The following WWOX variants were observed in gnomAD, a reference collection of about 807,000 sequenced individuals.
The protein encoded by WWOX is WW domain-containing oxidoreductase.
WWOX carries 69 observed loss-of-function variants against 46.2 expected under a neutral mutation model. That is an observed-to-expected ratio of 1.49 (90% CI 1.23 to 1.82). The LOEUF (loss-of-function observed/expected upper bound fraction) is 1.82. WWOX is among the 40% of genes most tolerant of loss of function. The probability of loss-of-function intolerance (pLI) is 0.00; values close to 1 mark genes in which losing one functional copy is unlikely to be tolerated. For synonymous variants in WWOX, 359 were observed against 202.6 expected, an observed-to-expected ratio of 1.77 and a Z score of -6.56; for missense variants, 919 against 542.6, an observed-to-expected ratio of 1.69 and a Z score of -6.89.
chr16:78,391,013 A>C (rs776583747), intron 6 of WWOX, among the ~76,000 whole-genome samples: 6 of 152,154 alleles, frequency 3.9e-5, no homozygotes, highest in Non-Finnish European at 7.4e-5. Context: ...GTGTTTCTCC[A>C]CACTGGGATA....
chr16:79,198,692 G>C (rs756863030), intron 8 of WWOX, among the ~76,000 whole-genome samples: 8 of 152,230 alleles, frequency 5.3e-5, no homozygotes, highest in Admixed American at 3.9e-4. Context: ...CGTAGTAGCT[G>C]TGTGACCTGG....
chr16:78,722,332 G>A (rs1389301947), intron 8 of WWOX, among the ~76,000 whole-genome samples: 1 of 152,172 alleles, frequency 6.6e-6, no homozygotes, highest in African/African-American at 2.4e-5. Flanking sequence ...CTTGGTCTCA[G>A]TTTTCTCATC....
intron 8 of WWOX, among the ~76,000 whole-genome samples, chr16:79,014,991 G>T (rs1304224134): frequency 6.6e-6 from 1 of 152,160 alleles, no homozygotes; most frequent in African/African-American, 2.4e-5. Context: ...GTACCTGCGA[G>T]GGATCAAAGA....
At chr16:78,966,007 G>C (rs1313175691) in intron 8 of WWOX, among the ~76,000 whole-genome samples, 1 of 152,286 alleles carries the variant, frequency 6.6e-6, no homozygotes, top group South Asian at 2.1e-4. Context: ...AACAAGAATG[G>C]AAAAAGTTAT....
chr16:78,218,844 G>A (rs986122936), intron 5 of WWOX, among the ~76,000 whole-genome samples: 1 of 152,224 alleles, frequency 6.6e-6, no homozygotes, highest in Non-Finnish European at 1.5e-5. Context: ...TAGAGTTTTT[G>A]AGTCTAATTG....
chr16:78,376,397 G>T (rs1048687949), intron 5 of WWOX, among the ~76,000 whole-genome samples: 1 of 152,190 alleles, frequency 6.6e-6, no homozygotes, highest in Non-Finnish European at 1.5e-5. Flanking sequence ...ACTCTGGAAG[G>T]ATTTGAACCA....
chr16:78,190,938 G>A (rs935614404), intron 5 of WWOX, among the ~76,000 whole-genome samples: 2 of 152,118 alleles, frequency 1.3e-5, no homozygotes, highest in East Asian at 1.9e-4. Flanking sequence ...TCAGTCATCT[G>A]ATCATTGTGT....
chr16:78,934,278 C>T (rs553034161), intron 8 of WWOX, among the ~76,000 whole-genome samples: 1 of 148,122 alleles, frequency 6.8e-6, no homozygotes. Context: ...GCGGATCTTG[C>T]AGTGAGCCGA....
intron 8 of WWOX, among the ~76,000 whole-genome samples, chr16:78,557,220 T>G (rs1457816715): frequency 1.4e-5 from 2 of 147,734 alleles, no homozygotes; most frequent in Non-Finnish European, 3.0e-5. Context: ...AAAGACCAAT[T>G]ATCATGATTA....
chr16:78,985,104 T>A (rs377482310), intron 8 of WWOX, among the ~76,000 whole-genome samples: 2 of 152,206 alleles, frequency 1.3e-5, no homozygotes, highest in South Asian at 2.1e-4. Context: ...TGTAACTGTT[T>A]CCGAACGGAT....
rs537865623 is a variant in WWOX at position 78,432,401 on chromosome 16, C to G, written c.792-87C>G. ...GATTACAGATGTGAGCCACTGCACCCAGCATTCCTTAGATTTCCAATAAAA... is the reference window on the plus strand; with the variant it reads ...GATTACAGATGTGAGCCACTGCACCGAGCATTCCTTAGATTTCCAATAAAA... On this transcript the variant is annotated intron_variant, in intron 7 of 8. Transcript: ENST00000566780. 4 of 1,559,080 alleles carry G rather than the reference C, an allele frequency of 2.6e-6. No homozygotes were observed. In the East Asian group the frequency reaches 9.0e-5, roughly 35 times the overall value.
intron 6 of WWOX, among the ~76,000 whole-genome samples, chr16:78,420,651 A>ATGGTTTTTTTT (rs75985674): frequency 7.2e-6 from 1 of 139,144 alleles, no homozygotes; most frequent in Admixed American, 7.0e-5. Context: ...GTGATTGCTA[A>ATGGTTTTTTTT]TTTTTTTTTT....
chr16:78,322,450 G>T (rs1322246926), intron 5 of WWOX, among the ~76,000 whole-genome samples: 1 of 152,146 alleles, frequency 6.6e-6, no homozygotes, highest in Non-Finnish European at 1.5e-5. Context: ...AGGTTTTCAC[G>T]CTTGTGCCTT....
chr16:79,105,768 T>A (rs1404117768), intron 8 of WWOX, among the ~76,000 whole-genome samples: 1 of 151,516 alleles, frequency 6.6e-6, no homozygotes, highest in Non-Finnish European at 1.5e-5. Context: ...ATGCCAGCAA[T>A]CCTCCCACCT....
rs530275364 is a variant in WWOX, at chr16:78,403,193, C to T, written c.605+16245C>T. On this transcript the variant is annotated intron_variant, in intron 6 of 8. Transcript: ENST00000566780. ...TGACCACGTGCTTAAGCACATTCCC[C>T]AAACAATTTTTTTCTTATTGTTTGT... Among the ~76,000 whole-genome samples, 6 of 152,280 alleles carry T rather than the reference C, an allele frequency of 3.9e-5. No homozygotes were observed. The East Asian group carries it at 1.2e-3, about 29-fold the overall frequency.
At position 78,585,710 on chromosome 16, in the gene WWOX, T is replaced by C. The variant is rs185165732; in HGVS notation, c.1056+152958T>C. Reference sequence around the variant, plus strand: ...TTGTTTTTTTTTGTTTTTTTTGTTTTTTTGCCTAATTTGTGCTTGGCTTCT... The same window carrying C: ...TTGTTTTTTTTTGTTTTTTTTGTTTCTTTGCCTAATTTGTGCTTGGCTTCT... On this transcript the variant is annotated intron_variant, in intron 8 of 8. Transcript: ENST00000566780. Among the ~76,000 whole-genome samples the C allele has an allele frequency of 3.4e-3, 518 of 151,796 alleles. 2 individuals carry two copies. Among genetic ancestry groups the C allele is most frequent in the African/African-American group, 0.012 (498 of 41,388 alleles).
chr16:78,644,766 C>A (rs974862498), intron 8 of WWOX, among the ~76,000 whole-genome samples: 4 of 152,156 alleles, frequency 2.6e-5, no homozygotes, highest in Non-Finnish European at 5.9e-5. Context: ...CCCAGCCAAA[C>A]CTCGGCACTT....
intron 8 of WWOX, among the ~76,000 whole-genome samples, chr16:78,656,244 C>T (rs947282050): frequency 6.6e-5 from 10 of 152,214 alleles, no homozygotes; most frequent in African/African-American, 1.9e-4. Context: ...CATCATCCTT[C>T]GGTGGTAGAT....
chr16:79,021,411 G>A (rs906198429), intron 8 of WWOX, among the ~76,000 whole-genome samples: 1 of 151,994 alleles, frequency 6.6e-6, no homozygotes, highest in South Asian at 2.1e-4. Flanking sequence ...GCAGAATAAT[G>A]GTTTTGAATA....
Sources: gnomAD v4.1 joint callset for allele counts (sites outside exome capture counted in the v4.1 genomes callset) on GRCh38, gnomAD v4.1.1 for gene constraint, MANE v1.5 for transcripts, NCBI Gene and HGNC (gene_info 2026-07-23, HGNC 2026-07-21) for gene names.